Variants in RAB35 observed in about 807,000 individuals in gnomAD.
The protein encoded by RAB35 is ras-related protein Rab-35.
A neutral mutation model predicts 28.9 loss-of-function variants in RAB35; 4 were observed. The observed-to-expected ratio is 0.14, with a 90% CI of 0.07 to 0.32. RAB35 has a LOEUF of 0.32. Among genes scored for constraint, RAB35 ranks in the 10% least tolerant of loss-of-function variants. RAB35 has a pLI of 1.00. For missense variants in RAB35, 128 were observed against 274.0 expected (o/e 0.47, Z 3.76); for synonymous variants, 99 against 105.1 (o/e 0.94, Z 0.35).
chr12:120,112,891 A>ATT (rs570245591), intron 1 of RAB35, among the ~76,000 whole-genome samples: 21 of 136,680 alleles, frequency 1.5e-4, no homozygotes, highest in African/African-American at 2.2e-4. Flanking sequence ...CGCCCAACTG[A>ATT]TTTTTTTTTT....
rs1319583624 is a variant in RAB35 at position 120,095,588 on chromosome 12, C to G, written c.*1657G>C. 1 of 152,026 alleles carries G rather than the reference C, an allele frequency of 6.6e-6. No individual in the cohort carries two copies. The highest frequency in any genetic ancestry group is 1.5e-5 in the Non-Finnish European group (1 of 68,108). 9.4% of individuals were successfully genotyped at this position (152,026 alleles called of 1,614,324 possible). On this transcript the variant is annotated 3_prime_UTR_variant, in exon 6 of 6. Coordinates refer to ENST00000229340, the MANE Select transcript of RAB35 (RefSeq NM_006861.7). ...TGCTCCTGCCGCCCCCGCCCCCGAC[C>G]AGATGAGGCTGCCTGCTGGTCAGCC... is the stretch of plus-strand genomic sequence containing the variant.
intron 3 of RAB35, among the ~76,000 whole-genome samples, chr12:120,099,881 A>G (rs1166407063): frequency 6.6e-6 from 1 of 150,430 alleles, no homozygotes; most frequent in South Asian, 2.1e-4. Flanking sequence ...CCGGAGGAGG[A>G]GGGGGACCAC....
At chr12:120,108,558 C>T (rs1875985643) in intron 1 of RAB35, 91 bp from the exon 2 acceptor site, 2 of 1,258,450 alleles carry the variant, frequency 1.6e-6, no homozygotes, top group Admixed American at 1.9e-5. Context: ...GCCTCAGTCC[C>T]AACTCTTAAG....
chr12:120,096,431 A>T lies in RAB35; in HGVS notation c.*814T>A, dbSNP rs1875394578. 7.8e-7 allele frequency: 1 copy of T among 1,287,508 alleles called. No homozygotes were observed. Among genetic ancestry groups the T allele is most frequent in the Non-Finnish European group, 1.0e-6 (1 of 987,332 alleles). The allele number at this position is 1,287,508 out of a possible 1,614,324, so 79.8% of individuals were successfully genotyped here. On this transcript the variant is annotated 3_prime_UTR_variant, in exon 6 of 6. Coordinates refer to ENST00000229340, the MANE Select transcript of RAB35 (RefSeq NM_006861.7). ...CTTGATCTGTTAAAATAATCCTCCCATAGCCCCCCTGCCAGCCCCATCTCT... is the reference window on the plus strand; with the variant it reads ...CTTGATCTGTTAAAATAATCCTCCCTTAGCCCCCCTGCCAGCCCCATCTCT...
At chr12:120,104,902 G>C (rs987733936) in intron 2 of RAB35, among the ~76,000 whole-genome samples, 3 of 152,210 alleles carry the variant, frequency 2.0e-5, no homozygotes, top group Non-Finnish European at 4.4e-5. Context: ...CCAAAGTGCT[G>C]GGATTACAGG....
chr12:120,099,358 C>T, intron 3 of RAB35: 1 of 661,512 alleles, frequency 1.5e-6, no homozygotes, highest in South Asian at 1.9e-5. Flanking sequence ...CTCCCCCTGC[C>T]CGCCCGGGGC....
In RAB35 at chr12:120,101,695, C is replaced by T. The variant is rs1349018820; in HGVS notation, c.227+2131G>A. Among the ~76,000 whole-genome samples the T allele has an allele frequency of 6.6e-5, 10 of 152,322 alleles. No homozygotes were observed. The South Asian group carries it at 1.0e-3, about 16-fold the overall frequency. On this transcript the variant is annotated intron_variant, in intron 3 of 5. Transcript: ENST00000229340. ...GCCTCCTGCCTCATGAGGGCCAGAGCGGGACTCTAAGATGGAGCCACCTGT... is the reference window on the plus strand; with the variant it reads ...GCCTCCTGCCTCATGAGGGCCAGAGTGGGACTCTAAGATGGAGCCACCTGT...
chr12:120,102,537 C>T (rs565521426), intron 3 of RAB35, among the ~76,000 whole-genome samples: 10 of 152,324 alleles, frequency 6.6e-5, no homozygotes, highest in African/African-American at 2.2e-4. Context: ...TCACGGGCCA[C>T]AGCACAAATG....
chr12:120,107,070 C>A (rs111968246), intron 2 of RAB35, among the ~76,000 whole-genome samples: 6 of 152,026 alleles, frequency 3.9e-5, no homozygotes, highest in East Asian at 1.9e-4. Flanking sequence ...CTCACTGCAA[C>A]CTCCCTCTCC....
Position 120,108,428 on chromosome 12 carries a change from T to A in RAB35, c.92A>T (p.Asn31Ile). 1 of 1,613,830 alleles carries A rather than the reference T, an allele frequency of 6.2e-7. No individual in the cohort carries two copies. The highest frequency in any genetic ancestry group is 8.5e-7 in the Non-Finnish European group (1 of 1,179,744). ...AGGGGAGGACTCACCTGAGAAAGTG[T>A]TGTCTGCAAAACGCAACAGTAAACT... The part of the protein sequence containing the change: ...KSSLLLRFAD[N>I]TFSGSYITTI... Residue 31 changes from asparagine (N) to isoleucine (I), a missense_variant, in exon 2 of 6, where the codon AAC (asparagine) becomes ATC (isoleucine). Coordinates refer to ENST00000229340, the MANE Select transcript of RAB35 (RefSeq NM_006861.7).
intron 1 of RAB35, among the ~76,000 whole-genome samples, chr12:120,114,238 C>T (rs888393869): frequency 3.9e-5 from 6 of 152,230 alleles, no homozygotes; most frequent in African/African-American, 1.4e-4. Flanking sequence ...GGATTACAGG[C>T]ACATTCCACC....
intron 2 of RAB35, among the ~76,000 whole-genome samples, chr12:120,106,142 A>G (rs1875863471): frequency 6.6e-6 from 1 of 152,080 alleles, no homozygotes; most frequent in African/African-American, 2.4e-5. Context: ...GTAGAAATGG[A>G]AAGGTGGGAA....
At chr12:120,106,185 A>C (rs1009155531) in intron 2 of RAB35, among the ~76,000 whole-genome samples, 1 of 152,212 alleles carries the variant, frequency 6.6e-6, no homozygotes, top group Non-Finnish European at 1.5e-5. Context: ...CAAGCACTGA[A>C]CACAGATTGG....
rs1273777806 is a variant in RAB35, at chr12:120,096,708, G to A, written c.*537C>T. The A allele has an allele frequency of 1.6e-6, 2 of 1,289,788 alleles. No individual in the cohort carries two copies. Among genetic ancestry groups the A allele is most frequent in the Admixed American group, 4.6e-5 (2 of 43,552 alleles). The allele number at this position is 1,289,788 out of a possible 1,614,324, so 79.9% of individuals were successfully genotyped here. ...GAGCTGGCACAGGCCCCGGAGAAGG[G>A]GCAAGACCCTGTGCAGCGGGGACAG... On this transcript the variant is annotated 3_prime_UTR_variant, in exon 6 of 6. Coordinates refer to ENST00000229340, the MANE Select transcript of RAB35 (RefSeq NM_006861.7).
At chr12:120,104,081 C>A in intron 2 of RAB35, 132 bp from the exon 3 acceptor site, 1 of 1,229,358 alleles carries the variant, frequency 8.1e-7, no homozygotes, top group Admixed American at 2.5e-5. Flanking sequence ...CATTCTAGGT[C>A]CCAGGGACAC....
At position 120,103,771 on chromosome 12, in the gene RAB35, A is replaced by G; in HGVS notation, c.227+55T>C. The stretch of plus-strand genomic sequence containing the variant: ...ACCATGACCAGGCACCGGTCGCTCA[A>G]CTGTGTCCACAGGTCAGTGGCGCGG... On this transcript the variant is annotated intron_variant, in intron 3 of 5. Coordinates refer to ENST00000229340, the MANE Select transcript of RAB35 (RefSeq NM_006861.7). This position sits in a 1 kb window ranked among gnomAD's most constrained non-coding sequence, Gnocchi z 6.1. The G allele has an allele frequency of 6.2e-7, 1 of 1,601,668 alleles. No individual in the cohort carries two copies. Among genetic ancestry groups the G allele is most frequent in the Non-Finnish European group, 8.5e-7 (1 of 1,172,834 alleles).
At position 120,095,908 on chromosome 12, in the gene RAB35, A is replaced by C. The variant is rs1476137893; in HGVS notation, c.*1337T>G. On this transcript the variant is annotated 3_prime_UTR_variant, in exon 6 of 6. Coordinates refer to ENST00000229340, the MANE Select transcript of RAB35 (RefSeq NM_006861.7). Reference sequence around the variant, plus strand: ...CCTGGTGTTAAACTCGGTTCTTCCCAGGTCACTTGATCCCTGTAGTGGGAG... The same window carrying C: ...CCTGGTGTTAAACTCGGTTCTTCCCCGGTCACTTGATCCCTGTAGTGGGAG... 1 of 153,892 alleles carries C rather than the reference A, an allele frequency of 6.5e-6. No individual in the cohort carries two copies. Among genetic ancestry groups the C allele is most frequent in the Non-Finnish European group, 1.4e-5 (1 of 69,628 alleles). The allele number at this position is 153,892 out of a possible 1,614,324, so 9.5% of individuals were successfully genotyped here.
chr12:120,114,839 A>C (rs747263478), intron 1 of RAB35, among the ~76,000 whole-genome samples: 1 of 152,186 alleles, frequency 6.6e-6, no homozygotes, highest in Non-Finnish European at 1.5e-5. Context: ...TAGGCTTTTC[A>C]CTGTTGGATA....
rs937655803 is a variant in RAB35, at chr12:120,116,671, G to C, written c.-21C>G. On this transcript the variant is annotated 5_prime_UTR_variant, in exon 1 of 6. Coordinates refer to ENST00000229340, the MANE Select transcript of RAB35 (RefSeq NM_006861.7). ...GCCATGGCGGGCGGGGGCGGTGCGC[G>C]CGGGCGGGCGGGGTCGGTACTGGCC... 1.6e-6 allele frequency: 2 copies of C among 1,223,034 alleles called. No homozygotes were observed. Among genetic ancestry groups the C allele is most frequent in the African/African-American group, 3.1e-5 (2 of 63,892 alleles). 75.8% of individuals were successfully genotyped at this position (1,223,034 alleles called of 1,614,324 possible).
Sources: allele counts gnomAD v4.1 joint callset (sites outside exome capture counted in the v4.1 genomes callset), GRCh38; gene constraint gnomAD v4.1.1; non-coding constraint Gnocchi (gnomAD v3.1); transcripts MANE v1.5; gene names NCBI Gene and HGNC (gene_info 2026-07-23, HGNC 2026-07-21).